The following MED23 variants were observed in gnomAD, a reference collection of about 807,000 sequenced individuals.
MED23 encodes mediator of RNA polymerase II transcription subunit 23.
Under a neutral mutation model 163.9 loss-of-function variants are expected in MED23, and 105 were observed. The observed-to-expected ratio is 0.64, with a 90% confidence interval of 0.55 to 0.75. MED23 has a LOEUF of 0.75. MED23 is among the 30% of genes least tolerant of loss of function. The pLI, the probability that MED23 is intolerant of heterozygous loss-of-function variation, is 0.00. For missense variants in MED23, 1,054 were observed against 1,649.0 expected (o/e 0.64, Z 6.25); for synonymous variants, 561 against 565.6 (o/e 0.99, Z 0.12).
At chr6:131,620,804 A>ATTTT in intron 6 of MED23, 75 bp from the exon 7 acceptor site, 5 of 669,222 alleles carry the variant, frequency 7.5e-6, no homozygotes, top group South Asian at 2.0e-5. Flanking sequence ...TATTATCATT[A>ATTTT]TTTTTTTTTT....
At chr6:131,584,564 T>C (rs1314500451), downstream of MED23, among the ~76,000 whole-genome samples, 10 of 152,144 alleles carry the variant, frequency 6.6e-5, no homozygotes, top group Admixed American at 5.9e-4. Context: ...TGGGTAATAA[T>C]AGGTTTGGGC....
chr6:131,592,666 T>C, intron 24 of MED23: 1 of 611,418 alleles, frequency 1.6e-6, no homozygotes, highest in Admixed American at 2.9e-5. Context: ...TCCTCCCCAA[T>C]CATTATCCCA....
chr6:131,580,783 A>C (rs561587996), intron 30 of MED23, among the ~76,000 whole-genome samples: 61 of 152,322 alleles, frequency 4.0e-4, no homozygotes, highest in African/African-American at 1.4e-3. Context: ...AAAAATTGAA[A>C]GACTTTGTCA....
At chr6:131,579,457 C>T (rs902517886) in intron 30 of MED23, 12 of 629,866 alleles carry the variant, frequency 1.9e-5, no homozygotes, top group African/African-American at 7.4e-5. Flanking sequence ...AAACAGACTT[C>T]GCTCAATTTG....
chr6:131,597,517 G>T (rs1233020099), intron 20 of MED23, among the ~76,000 whole-genome samples: 1 of 149,306 alleles, frequency 6.7e-6, no homozygotes. Context: ...AATTCTGCTG[G>T]AAATAGACAT....
At chr6:131,615,466 C>G in intron 10 of MED23, 1 of 628,588 alleles carries the variant, frequency 1.6e-6, no homozygotes, top group Admixed American at 2.5e-5. Flanking sequence ...ACAAACCCTC[C>G]CACATGTTAA....
downstream of MED23, among the ~76,000 whole-genome samples, chr6:131,581,907 C>T (rs995490400): frequency 1.3e-5 from 2 of 152,310 alleles, no homozygotes; most frequent in Admixed American, 6.5e-5. Flanking sequence ...AACTATCTCC[C>T]TGCTCCCTAG....
intron 20 of MED23, 129 bp from the exon 21 acceptor site, chr6:131,596,817 C>T (rs1775082668): frequency 3.5e-6 from 3 of 847,636 alleles, no homozygotes; most frequent in East Asian, 5.3e-5. Flanking sequence ...TCTAGTCTAT[C>T]CCAAACCAAC....
intron 30 of MED23, among the ~76,000 whole-genome samples, chr6:131,577,590 A>C (rs758453376): frequency 1.3e-5 from 2 of 152,066 alleles, no homozygotes; most frequent in Non-Finnish European, 2.9e-5. Flanking sequence ...ATGCAACGAG[A>C]TAGTATTCAA....
chr6:131,584,556 G>T (rs1232492011), downstream of MED23, among the ~76,000 whole-genome samples: 1 of 152,050 alleles, frequency 6.6e-6, no homozygotes, highest in Non-Finnish European at 1.5e-5. Context: ...CTGTAAAATG[G>T]GTAATAATAG....
Position 131,628,235 on chromosome 6 carries a change from C to A in MED23, c.-186G>T. ...GCCCAGCCAACAGCAGGAACCTGTA[C>A]GGAAGACGGGAAGGGCCCGGTACGC... On this transcript the variant is annotated 5_prime_UTR_variant, in exon 1 of 29. Coordinates refer to ENST00000368068, the MANE Select transcript of MED23 (RefSeq NM_004830.4). The A allele has an allele frequency of 1.5e-6, 1 of 661,176 alleles. No homozygotes were observed. The highest frequency in any genetic ancestry group is 2.7e-6 in the Non-Finnish European group (1 of 376,208). The allele number at this position is 661,176 out of a possible 1,614,324, so 41.0% of individuals were successfully genotyped here. A position where few individuals can be genotyped will look rare whatever the true frequency, so the allele number is the denominator to read the frequency against.
At chr6:131,596,737 A>C (rs1414051002) in intron 20 of MED23, 49 bp from the exon 21 acceptor site, 1 of 1,537,334 alleles carries the variant, frequency 6.5e-7, no homozygotes, top group Non-Finnish European at 9.0e-7. Context: ...ACCTGTGTAA[A>C]ATCATGAGGG....
Position 131,605,288 on chromosome 6 carries a change from G to A in MED23, c.1565C>T (p.Pro522Leu), listed in dbSNP as rs1396424131. Residue 522 changes from proline to leucine, a missense_variant, in exon 14 of 29, where the codon CCC (proline) becomes CTC (leucine). By Grantham distance (98) the Pro-to-Leu change is moderately conservative. Coordinates refer to ENST00000368068, the MANE Select transcript of MED23 (RefSeq NM_004830.4). ...TGAATCCAGGAGGTTCATAGGTAAGGGGGTAATAGATCCTGAAGCCATACA... is the reference window on the plus strand; with the variant it reads ...TGAATCCAGGAGGTTCATAGGTAAGAGGGTAATAGATCCTGAAGCCATACA... ...TNCMASGSIT[P>L]LPMNLLDSLT... 12 of 1,613,396 alleles carry A rather than the reference G, an allele frequency of 7.4e-6. No homozygotes were observed. Among genetic ancestry groups the A allele is most frequent in the South Asian group, 1.1e-5 (1 of 91,072 alleles).
intron 14 of MED23, 37 bp downstream of exon 14, chr6:131,605,203 T>A (rs531363234): frequency 6.2e-7 from 1 of 1,605,304 alleles, no homozygotes; most frequent in South Asian, 1.1e-5. Context: ...TCGTATCAAT[T>A]CCCTGACATG....
intron 3 of MED23, 119 bp downstream of exon 3, chr6:131,627,277 T>C: frequency 1.3e-6 from 1 of 773,710 alleles, no homozygotes; most frequent in Non-Finnish European, 2.2e-6. Flanking sequence ...AACAATTTTA[T>C]TTCTCCCTTC....
At chr6:131,586,166 CGGGGGA>C (rs1774168311), downstream of MED23, among the ~76,000 whole-genome samples, 1 of 152,084 alleles carries the variant, frequency 6.6e-6, no homozygotes, top group Non-Finnish European at 1.5e-5. Context: ...GAGGCTGAGG[CGGGGGA>C]TCACGAGGTC....
intron 10 of MED23, among the ~76,000 whole-genome samples, chr6:131,611,939 C>A (rs910201911): frequency 6.6e-6 from 1 of 151,942 alleles, no homozygotes; most frequent in African/African-American, 2.4e-5. Context: ...GGATTTTCAC[C>A]TACATATTTT....
At chr6:131,584,816 T>TACACACACACACACACAC (rs59196638), downstream of MED23, among the ~76,000 whole-genome samples, 121 of 134,142 alleles carry the variant, frequency 9.0e-4, no homozygotes, top group Middle Eastern at 4.2e-3. Context: ...CTACAAAAAA[T>TACACACACACACACACAC]ACACACACAC....
chr6:131,610,409 A>G, intron 10 of MED23, 163 bp from the exon 11 acceptor site: 1 of 718,892 alleles, frequency 1.4e-6, no homozygotes, highest in South Asian at 1.6e-5. Context: ...GCATCATGTT[A>G]TATTATTATA....
Sources: gnomAD v4.1 joint callset for allele counts (sites outside exome capture counted in the v4.1 genomes callset) on GRCh38, gnomAD v4.1.1 for gene constraint, MANE v1.5 for transcripts, NCBI Gene and HGNC (gene_info 2026-07-23, HGNC 2026-07-21) for gene names.